The following ADORA2B variants were observed in gnomAD, a reference collection of about 807,000 sequenced individuals.
The protein encoded by ADORA2B is adenosine A2b receptor.
In ADORA2B, 18 loss-of-function variants were observed where a neutral mutation model predicts 20.8. The observed-to-expected ratio is 0.87, with a 90% CI of 0.60 to 1.29. ADORA2B has a LOEUF of 1.29. ADORA2B is among the 50% of genes most tolerant of loss of function. The pLI is 0.00. For synonymous variants in ADORA2B, 179 were observed against 178.3 expected, an observed-to-expected ratio of 1.00 and a Z score of -0.03; for missense variants, 441 against 422.7, an observed-to-expected ratio of 1.04 and a Z score of -0.38.
the ADORA2B span, among the ~76,000 whole-genome samples, chr17:15,936,318 T>A: frequency 1.4e-5 from 2 of 144,260 alleles, no homozygotes; most frequent in Non-Finnish European, 2.9e-5. Flanking sequence ...TATTTATTTA[T>A]TTTTATTTTT....
the ADORA2B span, among the ~76,000 whole-genome samples, chr17:15,888,815 C>CAT: frequency 0.03 from 472 of 15,720 alleles, 17 homozygotes; most frequent in Middle Eastern, 0.15. Flanking sequence ...TATGTGATGC[C>CAT]ATATATATAT....
chr17:15,927,353 C>T, the ADORA2B span, among the ~76,000 whole-genome samples: 97 of 152,052 alleles, frequency 6.4e-4, 4 homozygotes, highest in East Asian at 5.5e-3. Context: ...CATGGTGGCA[C>T]GCGCCTGTAG....
the ADORA2B span, among the ~76,000 whole-genome samples, chr17:15,893,398 A>G: frequency 6.6e-6 from 1 of 152,174 alleles, no homozygotes; most frequent in Admixed American, 6.5e-5. Context: ...CTCCCAATAA[A>G]TCTTGTACAT....
At chr17:15,964,232 G>C (rs1970072874) in intron 1 of ADORA2B, among the ~76,000 whole-genome samples, 2 of 152,140 alleles carry the variant, frequency 1.3e-5, no homozygotes, top group Admixed American at 1.3e-4. Context: ...GTGTAAGAAT[G>C]GTTTTATTTG....
chr17:15,949,410 G>A (rs1176251063), intron 1 of ADORA2B, among the ~76,000 whole-genome samples: 1 of 151,874 alleles, frequency 6.6e-6, no homozygotes, highest in African/African-American at 2.4e-5. Context: ...CTACTCGGGA[G>A]GCTGAGGCAG....
the ADORA2B span, among the ~76,000 whole-genome samples, chr17:15,906,992 G>C: frequency 1.3e-5 from 2 of 152,168 alleles, no homozygotes; most frequent in Non-Finnish European, 2.9e-5. Context: ...TCATACAGAG[G>C]AAAGCTTGCC....
At chr17:15,854,810 A>G in the ADORA2B span, among the ~76,000 whole-genome samples, 10 of 152,252 alleles carry the variant, frequency 6.6e-5, no homozygotes, top group Non-Finnish European at 1.2e-4. Flanking sequence ...ATCAATATCA[A>G]TGCCAGTATT....
chr17:15,877,089 T>G, the ADORA2B span, among the ~76,000 whole-genome samples: 2 of 152,230 alleles, frequency 1.3e-5, no homozygotes, highest in African/African-American at 2.4e-5. Flanking sequence ...TTTCATTTCT[T>G]TTTAAGGCTG....
chr17:15,913,137 C>T, the ADORA2B span, among the ~76,000 whole-genome samples: 13 of 152,222 alleles, frequency 8.5e-5, no homozygotes, highest in Non-Finnish European at 1.8e-4. Flanking sequence ...GGCACTTGCC[C>T]ACCCTGTGTC....
chr17:15,878,163 TTG>T, the ADORA2B span, among the ~76,000 whole-genome samples: 12,319 of 119,512 alleles, frequency 0.1, 1,449 homozygotes, highest in African/African-American at 0.29. Context: ...CAGATATCCT[TTG>T]TGTGTGTGTG....
the ADORA2B span, among the ~76,000 whole-genome samples, chr17:15,894,717 A>G: frequency 5.8e-4 from 88 of 152,166 alleles, no homozygotes; most frequent in Admixed American, 4.6e-4. Context: ...GTCAAACACA[A>G]CACCATGGTG....
chr17:15,858,260 C>T, the ADORA2B span, among the ~76,000 whole-genome samples: 1 of 152,030 alleles, frequency 6.6e-6, no homozygotes, highest in Non-Finnish European at 1.5e-5. Flanking sequence ...CTCACCAGCA[C>T]TTGTTTTTTT....
In ADORA2B at chr17:15,945,154, C is replaced by G. The variant is rs1969782122; in HGVS notation, c.-95C>G. The G allele has an allele frequency of 1.8e-6, 2 of 1,125,102 alleles. No homozygotes were observed. The highest frequency in any genetic ancestry group is 2.3e-6 in the Non-Finnish European group (2 of 869,608). The allele number at this position is 1,125,102 out of a possible 1,614,324, so 69.7% of individuals were successfully genotyped here. ...CAGAAGCGGCAGGCGGAGGCGCGGT[C>G]CGGGCGCTATGGCCATGCCCGGCGG... On this transcript the variant is annotated 5_prime_UTR_variant, in exon 1 of 2. Transcript: ENST00000304222.
At chr17:15,903,469 T>G in the ADORA2B span, among the ~76,000 whole-genome samples, 2 of 152,320 alleles carry the variant, frequency 1.3e-5, no homozygotes, top group South Asian at 2.1e-4. Context: ...AAGGCCTACT[T>G]TAGCACTATG....
the ADORA2B span, among the ~76,000 whole-genome samples, chr17:15,884,271 C>CAGT: frequency 1.3e-5 from 2 of 152,190 alleles, no homozygotes; most frequent in Admixed American, 6.5e-5. Flanking sequence ...TCCTGTAGAA[C>CAGT]CTTCTGTGAT....
intron 1 of ADORA2B, among the ~76,000 whole-genome samples, chr17:15,968,875 T>C (rs1051127693): frequency 5.3e-5 from 8 of 152,138 alleles, no homozygotes; most frequent in African/African-American, 1.9e-4. Flanking sequence ...GCCATGGATG[T>C]GTCCGGACAG....
the ADORA2B span, among the ~76,000 whole-genome samples, chr17:15,935,456 C>T: frequency 2.0e-4 from 31 of 152,130 alleles, no homozygotes; most frequent in African/African-American, 7.5e-4. Flanking sequence ...TAATAAGTCA[C>T]CTTTCTCCTG....
the ADORA2B span, among the ~76,000 whole-genome samples, chr17:15,904,960 AT>A: frequency 6.6e-6 from 1 of 152,208 alleles, no homozygotes; most frequent in East Asian, 1.9e-4. Context: ...ATATAGCATT[AT>A]TAAAAATCTT....
the ADORA2B span, among the ~76,000 whole-genome samples, chr17:15,923,912 ATTGTT>A: frequency 6.7e-6 from 1 of 150,292 alleles, no homozygotes; most frequent in Non-Finnish European, 1.5e-5. Flanking sequence ...TGTTGTTGTT[ATTGTT>A]TTGTTTTGTT....
Sources: gnomAD v4.1 joint callset for allele counts (sites outside exome capture counted in the v4.1 genomes callset) on GRCh38, gnomAD v4.1.1 for gene constraint, MANE v1.5 for transcripts, NCBI Gene and HGNC (gene_info 2026-07-23, HGNC 2026-07-21) for gene names.